PDE6A: variants seen among roughly 807,000 people sequenced by gnomAD.
PDE6A encodes rod cGMP-specific 3',5'-cyclic phosphodiesterase subunit alpha.
A neutral mutation model predicts 106.3 loss-of-function variants in PDE6A; 84 were observed. The ratio of observed to expected loss-of-function variants is 0.79; its 90% confidence interval spans 0.66 to 0.95. The LOEUF (loss-of-function observed/expected upper bound fraction) is 0.95. Among genes scored for constraint, PDE6A ranks in the 40% least tolerant of loss-of-function variants. The pLI, the probability that PDE6A is intolerant of heterozygous loss-of-function variation, is 0.00. For missense variants in PDE6A, 1,052 were observed against 1,084.9 expected (o/e 0.97, Z 0.43); for synonymous variants, 394 against 386.6 (o/e 1.02, Z -0.23).
At chr5:149,906,474 CA>C (rs1371142407) in intron 7 of PDE6A, among the ~76,000 whole-genome samples, 1 of 137,438 alleles carries the variant, frequency 7.3e-6, no homozygotes, top group Non-Finnish European at 1.5e-5. Context: ...TGCAATGAGC[CA>C]AATTCTCACC....
At chr5:149,891,111 C>T (rs1410281032) in intron 13 of PDE6A, among the ~76,000 whole-genome samples, 2 of 152,166 alleles carry the variant, frequency 1.3e-5, no homozygotes, top group African/African-American at 2.4e-5. Context: ...CACTCCATGA[C>T]TCATCATGGA....
At chr5:149,878,483 C>T (rs1039675325) in intron 17 of PDE6A, among the ~76,000 whole-genome samples, 1 of 152,164 alleles carries the variant, frequency 6.6e-6, no homozygotes, top group Non-Finnish European at 1.5e-5. Context: ...ACAAACAATT[C>T]TGTACATACA....
At chr5:149,942,966 G>C (rs916340627) in intron 1 of PDE6A, among the ~76,000 whole-genome samples, 8 of 150,526 alleles carry the variant, frequency 5.3e-5, no homozygotes, top group African/African-American at 2.0e-4. Context: ...GGACAAGCAG[G>C]AGACAGATGC....
At chr5:149,902,173 A>C (rs772838304) in intron 8 of PDE6A, among the ~76,000 whole-genome samples, 26 of 152,156 alleles carry the variant, frequency 1.7e-4, no homozygotes, top group Non-Finnish European at 3.2e-4. Context: ...TTCTCCTGCC[A>C]GTCTCTCCCT....
At chr5:149,897,205 C>T (rs1561732507) in intron 10 of PDE6A, among the ~76,000 whole-genome samples, 2 of 152,238 alleles carry the variant, frequency 1.3e-5, no homozygotes, top group Non-Finnish European at 2.9e-5. Flanking sequence ...CTATTACTGA[C>T]TGGGAGTAAG....
intron 17 of PDE6A, 23 bp from the exon 18 acceptor site, chr5:149,868,181 A>C (rs1351436222): frequency 1.9e-6 from 3 of 1,610,748 alleles, no homozygotes; most frequent in Non-Finnish European, 2.5e-6. Flanking sequence ...GACACCCTCT[A>C]TCAGTCCAGG....
intron 17 of PDE6A, among the ~76,000 whole-genome samples, chr5:149,880,374 A>G (rs1760878688): frequency 6.6e-6 from 1 of 152,120 alleles, no homozygotes; most frequent in Non-Finnish European, 1.5e-5. Context: ...AGCCATTTTG[A>G]AATGTCCAGC....
chr5:149,896,423 A>C lies in PDE6A; in HGVS notation c.1553T>G (p.Leu518Arg). 1 of 1,614,154 alleles carries C rather than the reference A, an allele frequency of 6.2e-7. No homozygotes were observed. Among genetic ancestry groups the C allele is most frequent in the East Asian group, 2.2e-5 (1 of 44,874 alleles). Residue 518 changes from leucine to arginine, a missense_variant, in exon 12 of 22, where the codon CTG (leucine) becomes CGG (arginine). Physicochemically the swap from Leu to Arg is moderately radical, Grantham distance 102. Transcript: ENST00000255266. Reference protein sequence around the residue: ...FSDLPLTELELVKCGIQMYYE... With the variant: ...FSDLPLTELERVKCGIQMYYE... ...ATACATCTGTATTCCACATTTTACC[A>C]GCTCCAGTTCTGTTAGGGGTAAGTC...
chr5:149,931,910 T>G, intron 3 of PDE6A: 1 of 765,410 alleles, frequency 1.3e-6, no homozygotes, highest in Non-Finnish European at 2.2e-6. Flanking sequence ...GGTTGTGGAC[T>G]ATAAAATGGC....
intron 17 of PDE6A, among the ~76,000 whole-genome samples, chr5:149,871,302 G>C (rs1026878814): frequency 2.0e-5 from 3 of 152,186 alleles, no homozygotes; most frequent in Non-Finnish European, 4.4e-5. Context: ...AGATCTTGCA[G>C]ATGTGCTGGG....
chr5:149,869,661 A>G (rs1046876159), intron 17 of PDE6A, among the ~76,000 whole-genome samples: 8 of 152,218 alleles, frequency 5.3e-5, no homozygotes, highest in Non-Finnish European at 8.8e-5. Flanking sequence ...TAAAGGCCCA[A>G]TTGTGACCTC....
At chr5:149,905,719 T>A (rs1416517082) in intron 7 of PDE6A, among the ~76,000 whole-genome samples, 1 of 152,250 alleles carries the variant, frequency 6.6e-6, no homozygotes, top group African/African-American at 2.4e-5. Context: ...TTAGCAAGAA[T>A]GATAGTATTC....
intron 8 of PDE6A, among the ~76,000 whole-genome samples, chr5:149,901,457 G>A (rs1394621286): frequency 6.6e-6 from 1 of 152,150 alleles, no homozygotes; most frequent in Non-Finnish European, 1.5e-5. Context: ...GAACCCAGGA[G>A]GCGGAGGTTG....
Position 149,896,700 on chromosome 5 carries a change from G to C in PDE6A, c.1473+11C>G, listed in dbSNP as rs761311554. On this transcript the variant is annotated intron_variant, in intron 11 of 21. Coordinates refer to ENST00000255266, the MANE Select transcript of PDE6A (RefSeq NM_000440.3). Reference sequence around the variant, plus strand: ...ATACATCGGGGCTCGTGCTGCCCCGGTTCAGCTCACCAGGATCTCAGCCAG... The same window carrying C: ...ATACATCGGGGCTCGTGCTGCCCCGCTTCAGCTCACCAGGATCTCAGCCAG... 1.9e-6 allele frequency: 3 copies of C among 1,614,062 alleles called. No individual in the cohort carries two copies. The highest frequency in any genetic ancestry group is 1.3e-5 in the African/African-American group (1 of 75,034).
At chr5:149,888,865 C>T (rs553333800) in intron 13 of PDE6A, among the ~76,000 whole-genome samples, 214 of 151,746 alleles carry the variant, frequency 1.4e-3, no homozygotes, top group African/African-American at 5.0e-3. Flanking sequence ...GGGCGGATCA[C>T]GAGGTCAGGA....
chr5:149,925,782 C>T (rs187837224), intron 4 of PDE6A, among the ~76,000 whole-genome samples: 2 of 146,212 alleles, frequency 1.4e-5, no homozygotes, highest in Non-Finnish European at 1.5e-5. Context: ...GCACAAAAAA[C>T]GAAATGATGA....
chr5:149,875,469 A>T (rs1008870644), intron 17 of PDE6A, among the ~76,000 whole-genome samples: 1 of 151,580 alleles, frequency 6.6e-6, no homozygotes, highest in Non-Finnish European at 1.5e-5. Flanking sequence ...AATTTATAGC[A>T]CATTATACAT....
intron 2 of PDE6A, 136 bp from the exon 3 acceptor site, chr5:149,934,155 A>T (rs1171530576): frequency 1.4e-6 from 1 of 690,002 alleles, no homozygotes; most frequent in Non-Finnish European, 2.6e-6. Flanking sequence ...CCTAGAATGC[A>T]GACTCATAAG....
intron 4 of PDE6A, 86 bp downstream of exon 4, chr5:149,930,942 C>T: frequency 2.2e-6 from 3 of 1,342,906 alleles, no homozygotes; most frequent in Non-Finnish European, 3.2e-6. Flanking sequence ...TTCCCCCGTG[C>T]AATTGAATGT....
Sources: allele counts gnomAD v4.1 joint callset (sites outside exome capture counted in the v4.1 genomes callset), GRCh38; gene constraint gnomAD v4.1.1; transcripts MANE v1.5; gene names NCBI Gene and HGNC (gene_info 2026-07-23, HGNC 2026-07-21).